HS3ST2: variants seen among roughly 807,000 people sequenced by gnomAD.
HS3ST2 encodes heparan sulfate glucosamine 3-O-sulfotransferase 2.
HS3ST2 carries 17 observed loss-of-function variants against 26.3 expected under a neutral mutation model. The observed-to-expected ratio is 0.65, with a 90% CI of 0.44 to 0.97. HS3ST2 has a LOEUF of 0.97. Ranked by LOEUF, HS3ST2 falls within the 50% of genes least tolerant of loss-of-function variation. The pLI is 0.00. For synonymous variants in HS3ST2, 237 were observed against 219.2 expected (o/e 1.08, Z -0.72); for missense variants, 402 against 501.2 (o/e 0.80, Z 1.89).
At chr16:22,875,416 T>TGTCG (rs1363412662) in intron 1 of HS3ST2, among the ~76,000 whole-genome samples, 1 of 151,794 alleles carries the variant, frequency 6.6e-6, no homozygotes, top group East Asian at 1.9e-4. Flanking sequence ...AGTCTCGCTC[T>TGTCG]GTCGCCCAGG....
intron 1 of HS3ST2, among the ~76,000 whole-genome samples, chr16:22,827,091 A>T (rs1170281524): frequency 6.6e-6 from 1 of 152,110 alleles, no homozygotes; most frequent in Non-Finnish European, 1.5e-5. Context: ...TTGAGTGATG[A>T]TCTGAAGGAG....
intron 1 of HS3ST2, among the ~76,000 whole-genome samples, chr16:22,904,875 A>G (rs2141205728): frequency 6.6e-6 from 1 of 152,304 alleles, no homozygotes; most frequent in South Asian, 2.1e-4. Context: ...TGGACTTGGA[A>G]GGAAATGGTC....
At chr16:22,837,863 C>G (rs987268685) in intron 1 of HS3ST2, among the ~76,000 whole-genome samples, 2 of 151,892 alleles carry the variant, frequency 1.3e-5, no homozygotes, top group Non-Finnish European at 2.9e-5. Context: ...GAGATGATCT[C>G]TAACACACTA....
chr16:22,904,205 A>G (rs1902318506), intron 1 of HS3ST2, among the ~76,000 whole-genome samples: 1 of 152,142 alleles, frequency 6.6e-6, no homozygotes, highest in Non-Finnish European at 1.5e-5. Flanking sequence ...CACTAGGAAA[A>G]GGGGACCCTG....
intron 1 of HS3ST2, among the ~76,000 whole-genome samples, 186 bp downstream of exon 1, chr16:22,815,281 A>G (rs1200621201): frequency 7.9e-5 from 12 of 152,256 alleles, no homozygotes; most frequent in African/African-American, 2.9e-4. Flanking sequence ...CTAGACGGGC[A>G]GTTTCTGGAA....
intron 1 of HS3ST2, among the ~76,000 whole-genome samples, chr16:22,858,041 C>A (rs1289283951): frequency 6.6e-6 from 1 of 151,832 alleles, no homozygotes; most frequent in Non-Finnish European, 1.5e-5. Context: ...CGTGCTAGAC[C>A]CCAAAGGTAA....
Position 22,814,558 on chromosome 16 carries a change from A to G in HS3ST2, c.-53A>G. ...GGCGACCGCAGGGCCACAGCAGCTC[A>G]GCCGCCGGTGCCCCCTCGGAAACCA... On this transcript the variant is annotated 5_prime_UTR_variant, in exon 1 of 2. Transcript: ENST00000261374. 6.9e-7 allele frequency: 1 copy of G among 1,456,850 alleles called. No individual in the cohort carries two copies. The highest frequency in any genetic ancestry group is 9.0e-7 in the Non-Finnish European group (1 of 1,112,924). 90.2% of individuals were successfully genotyped at this position (1,456,850 alleles called of 1,614,324 possible).
chr16:22,829,936 A>C (rs533104034), intron 1 of HS3ST2, among the ~76,000 whole-genome samples: 2 of 152,318 alleles, frequency 1.3e-5, no homozygotes, highest in South Asian at 4.1e-4. Context: ...CATCACACAG[A>C]CCTTGGTCAA....
intron 1 of HS3ST2, among the ~76,000 whole-genome samples, chr16:22,904,346 T>C (rs931150719): frequency 3.9e-5 from 6 of 152,146 alleles, no homozygotes; most frequent in Non-Finnish European, 8.8e-5. Flanking sequence ...AAATCCATGA[T>C]TGCATACCAG....
chr16:22,882,673 G>C (rs1328360983), intron 1 of HS3ST2, among the ~76,000 whole-genome samples: 1 of 152,108 alleles, frequency 6.6e-6, no homozygotes, highest in African/African-American at 2.4e-5. Context: ...AGAGGTTGCA[G>C]TGAGCCAAGA....
chr16:22,885,444 T>C (rs1260114575), intron 1 of HS3ST2, among the ~76,000 whole-genome samples: 2 of 151,568 alleles, frequency 1.3e-5, no homozygotes, highest in Non-Finnish European at 2.9e-5. Flanking sequence ...TAGTCCTCAT[T>C]TTTCTTTTCT....
intron 1 of HS3ST2, among the ~76,000 whole-genome samples, chr16:22,888,497 C>T (rs2141199791): frequency 6.6e-6 from 1 of 151,712 alleles, no homozygotes; most frequent in African/African-American, 2.4e-5. Flanking sequence ...AGCAATTCTC[C>T]TGCCTCAGGC....
intron 1 of HS3ST2, among the ~76,000 whole-genome samples, chr16:22,888,384 T>TCC (rs1555514091): frequency 7.5e-6 from 1 of 133,804 alleles, no homozygotes; most frequent in Non-Finnish European, 1.6e-5. Context: ...TTTTTTTTTT[T>TCC]TTTTTTTTCT....
At chr16:22,838,096 G>A (rs1901295939) in intron 1 of HS3ST2, among the ~76,000 whole-genome samples, 1 of 152,124 alleles carries the variant, frequency 6.6e-6, no homozygotes, top group Admixed American at 6.5e-5. Context: ...CAGGAACTGT[G>A]GGAGTTGCAT....
At chr16:22,852,519 T>C (rs1445220029) in intron 1 of HS3ST2, among the ~76,000 whole-genome samples, 1 of 152,142 alleles carries the variant, frequency 6.6e-6, no homozygotes, top group Admixed American at 6.5e-5. Context: ...TACTAGTTCT[T>C]AGACACCCTG....
At chr16:22,865,159 G>C (rs927664199) in intron 1 of HS3ST2, among the ~76,000 whole-genome samples, 6 of 151,216 alleles carry the variant, frequency 4.0e-5, no homozygotes, top group Non-Finnish European at 8.8e-5. Flanking sequence ...ATTAAAAGTT[G>C]AAACCTCATT....
chr16:22,881,623 T>G lies in HS3ST2; in HGVS notation c.486-33321T>G, dbSNP rs141833202. Among the ~76,000 whole-genome samples, 614 of 152,316 alleles carry G rather than the reference T, an allele frequency of 4.0e-3. 3 individuals are homozygous for G. The highest frequency in any genetic ancestry group is 8.1e-3 in the Admixed American group (124 of 15,306). The stretch of plus-strand genomic sequence containing the variant: ...AGGTCAACATAAGGGAAGATGACTC[T>G]CACGACAGAATCCTAACTTCTCAGC... On this transcript the variant is annotated intron_variant, in intron 1 of 1. Coordinates refer to ENST00000261374, the MANE Select transcript of HS3ST2 (RefSeq NM_006043.2).
At chr16:22,863,377 A>G (rs1286308692) in intron 1 of HS3ST2, among the ~76,000 whole-genome samples, 1 of 152,028 alleles carries the variant, frequency 6.6e-6, no homozygotes, top group Non-Finnish European at 1.5e-5. Context: ...TCAAAAACCT[A>G]CCTGGCCAGG....
At chr16:22,914,042 G>A (rs1001440761) in intron 1 of HS3ST2, among the ~76,000 whole-genome samples, 1 of 151,962 alleles carries the variant, frequency 6.6e-6, no homozygotes, top group Non-Finnish European at 1.5e-5. Context: ...AGAGATTGAG[G>A]TGAGAGGATC....
Sources: gnomAD v4.1 joint callset for allele counts (sites outside exome capture counted in the v4.1 genomes callset) on GRCh38, gnomAD v4.1.1 for gene constraint, MANE v1.5 for transcripts, NCBI Gene and HGNC (gene_info 2026-07-23, HGNC 2026-07-21) for gene names.